Variants in ARB2A observed in about 807,000 individuals in gnomAD.
ARB2A encodes the protein ARB2 cotranscriptional regulator A, also known as cotranscriptional regulator ARB2A.
chr5:93,697,321 A>G, the ARB2A span, among the ~76,000 whole-genome samples: 4 of 152,046 alleles, frequency 2.6e-5, no homozygotes, highest in Non-Finnish European at 5.9e-5. Context: ...ATTACATACA[A>G]TATCTGGCTC....
the ARB2A span, among the ~76,000 whole-genome samples, chr5:93,815,186 G>A: frequency 6.6e-6 from 1 of 152,080 alleles, no homozygotes; most frequent in Non-Finnish European, 1.5e-5. Flanking sequence ...TGTGGTTCTG[G>A]TGGCTTTATT....
the ARB2A span, among the ~76,000 whole-genome samples, chr5:93,928,256 C>T: frequency 1.3e-5 from 2 of 152,178 alleles, no homozygotes; most frequent in East Asian, 1.9e-4. Context: ...TTTTAGAGTT[C>T]GATTTTCACA....
chr5:93,626,396 A>C, the ARB2A span, among the ~76,000 whole-genome samples: 18 of 152,248 alleles, frequency 1.2e-4, no homozygotes, highest in African/African-American at 4.3e-4. Flanking sequence ...CAAAAAGATA[A>C]TTTAAAAGAA....
At chr5:94,063,011 T>G in the ARB2A span, among the ~76,000 whole-genome samples, 1 of 152,198 alleles carries the variant, frequency 6.6e-6, no homozygotes, top group South Asian at 2.1e-4. Flanking sequence ...ACCATTTATC[T>G]ATGGCTAGAG....
At chr5:93,731,683 T>C in the ARB2A span, among the ~76,000 whole-genome samples, 2 of 152,134 alleles carry the variant, frequency 1.3e-5, no homozygotes, top group African/African-American at 4.8e-5. Flanking sequence ...AATCAACCCA[T>C]TGCATCTTAT....
At chr5:93,718,363 C>T in the ARB2A span, among the ~76,000 whole-genome samples, 3 of 151,826 alleles carry the variant, frequency 2.0e-5, no homozygotes, top group Admixed American at 6.6e-5. Context: ...GGCGTGAACC[C>T]GGGAGGCAGA....
chr5:94,045,448 C>A, the ARB2A span, among the ~76,000 whole-genome samples: 1 of 152,094 alleles, frequency 6.6e-6, no homozygotes, highest in African/African-American at 2.4e-5. Context: ...AATTATGCCA[C>A]ATATAGTCTA....
chr5:94,023,880 C>T, the ARB2A span, among the ~76,000 whole-genome samples: 1 of 152,116 alleles, frequency 6.6e-6, no homozygotes, highest in South Asian at 2.1e-4. Flanking sequence ...ACATGCCTGT[C>T]GTGCCATAGT....
At chr5:94,059,935 A>G in the ARB2A span, among the ~76,000 whole-genome samples, 1 of 152,232 alleles carries the variant, frequency 6.6e-6, no homozygotes, top group East Asian at 1.9e-4. Flanking sequence ...TATTATCCAC[A>G]TAAAGAAATA....
the ARB2A span, among the ~76,000 whole-genome samples, chr5:93,946,928 G>T: frequency 6.6e-6 from 1 of 151,628 alleles, no homozygotes; most frequent in African/African-American, 2.4e-5. Context: ...ATTTTTTTCT[G>T]TTGCTTCTTT....
the ARB2A span, among the ~76,000 whole-genome samples, chr5:93,642,548 T>C: frequency 1.3e-5 from 2 of 152,174 alleles, no homozygotes; most frequent in Non-Finnish European, 2.9e-5. Context: ...ATTTTTTGTA[T>C]TTTTTGTAGA....
chr5:93,762,907 A>G, the ARB2A span, among the ~76,000 whole-genome samples: 2 of 152,234 alleles, frequency 1.3e-5, no homozygotes, highest in African/African-American at 4.8e-5. Flanking sequence ...CAACATTCTT[A>G]AAGAAAAGAA....
the ARB2A span, among the ~76,000 whole-genome samples, chr5:93,623,669 C>T: frequency 6.6e-6 from 1 of 152,062 alleles, no homozygotes; most frequent in South Asian, 2.1e-4. Context: ...TGGCTCTCAA[C>T]ATTTACTCTT....
chr5:94,049,190 CAAA>C, the ARB2A span, among the ~76,000 whole-genome samples: 1 of 152,030 alleles, frequency 6.6e-6, no homozygotes, highest in African/African-American at 2.4e-5. Flanking sequence ...TTCACTTTAC[CAAA>C]CTACTCACCT....
the ARB2A span, among the ~76,000 whole-genome samples, chr5:93,633,302 C>T: frequency 6.6e-6 from 1 of 152,200 alleles, no homozygotes; most frequent in African/African-American, 2.4e-5. Flanking sequence ...TACTTTCAGT[C>T]TTCAGTCTCT....
chr5:93,686,616 A>C, the ARB2A span, among the ~76,000 whole-genome samples: 10 of 152,140 alleles, frequency 6.6e-5, no homozygotes, highest in African/African-American at 2.2e-4. Flanking sequence ...TTGCTGGAAG[A>C]TCATGGTCCA....
the ARB2A span, among the ~76,000 whole-genome samples, chr5:93,973,481 T>C: frequency 6.6e-6 from 1 of 152,044 alleles, no homozygotes; most frequent in Non-Finnish European, 1.5e-5. Context: ...AGTAAGCAAC[T>C]AGGAAAACAT....
chr5:93,727,872 T>C, the ARB2A span, among the ~76,000 whole-genome samples: 1 of 152,196 alleles, frequency 6.6e-6, no homozygotes, highest in South Asian at 2.1e-4. Context: ...TCAGGACTCA[T>C]GTGTTTATTC....
At chr5:93,619,130 G>A in the ARB2A span, 1 of 152,148 alleles carries the variant, frequency 6.6e-6, no homozygotes, top group Admixed American at 6.5e-5. Flanking sequence ...GAACACTGCT[G>A]AAGATACCAT....
Sources: gnomAD v4.1 joint callset for allele counts (sites outside exome capture counted in the v4.1 genomes callset) on GRCh38, gnomAD v4.1.1 for gene constraint, MANE v1.5 for transcripts, NCBI Gene and HGNC (gene_info 2026-07-23, HGNC 2026-07-21) for gene names.